Variants in C12orf54 observed in about 807,000 individuals in gnomAD.
C12orf54 encodes chromosome 12 open reading frame 54, also known as uncharacterized protein C12orf54.
A neutral mutation model predicts 26.4 loss-of-function variants in C12orf54; 24 were observed. That is an observed-to-expected ratio of 0.91 (90% CI 0.66 to 1.28). The LOEUF is 1.28. Ranked by LOEUF, C12orf54 falls within the 50% of genes most tolerant of loss-of-function variation. The pLI is 0.00. For synonymous variants in C12orf54, 54 were observed against 47.0 expected, an observed-to-expected ratio of 1.15 and a Z score of -0.61; for missense variants, 154 against 150.9, an observed-to-expected ratio of 1.02 and a Z score of -0.11.
chr12:48,440,134 A>T, the C12orf54 span, among the ~76,000 whole-genome samples: 1 of 152,036 alleles, frequency 6.6e-6, no homozygotes, highest in Non-Finnish European at 1.5e-5. Flanking sequence ...CTGAGGCAGG[A>T]GAATTGTTTG....
At chr12:48,426,961 C>T in the C12orf54 span, among the ~76,000 whole-genome samples, 1 of 151,768 alleles carries the variant, frequency 6.6e-6, no homozygotes, top group Non-Finnish European at 1.5e-5. Context: ...ATGGTTTATC[C>T]ACTGAAGGAG....
chr12:48,448,054 A>C, the C12orf54 span, among the ~76,000 whole-genome samples: 2 of 152,142 alleles, frequency 1.3e-5, no homozygotes, highest in East Asian at 3.9e-4. Context: ...CCCGCAACTG[A>C]AAAAAATCAG....
the C12orf54 span, among the ~76,000 whole-genome samples, chr12:48,417,734 CCTCCCT>C: frequency 1.3e-5 from 2 of 152,064 alleles, no homozygotes; most frequent in African/African-American, 4.8e-5. Context: ...TGTCCCCCTC[CCTCCCT>C]CTCCCTCTAG....
At chr12:48,470,333 T>A in the C12orf54 span, among the ~76,000 whole-genome samples, 1 of 152,224 alleles carries the variant, frequency 6.6e-6, no homozygotes, top group East Asian at 1.9e-4. Flanking sequence ...TGTTGTCTTT[T>A]CTCCGCAGCC....
chr12:48,429,927 G>A, the C12orf54 span, among the ~76,000 whole-genome samples: 337 of 152,034 alleles, frequency 2.2e-3, 4 homozygotes, highest in East Asian at 0.024. Context: ...CTATAGGACC[G>A]TAGTCACCAA....
At chr12:48,438,505 T>C in the C12orf54 span, among the ~76,000 whole-genome samples, 5 of 152,184 alleles carry the variant, frequency 3.3e-5, no homozygotes, top group African/African-American at 1.2e-4. Context: ...CTTCAAACTA[T>C]ACTACAAGGC....
chr12:48,487,569 AGTT>A (rs2137089796), intron 4 of C12orf54, among the ~76,000 whole-genome samples: 2 of 152,364 alleles, frequency 1.3e-5, no homozygotes, highest in East Asian at 3.9e-4. Context: ...CTAAAGAGTA[AGTT>A]GCTTGTGTAA....
the C12orf54 span, chr12:48,472,674 G>A: frequency 2.5e-6 from 4 of 1,614,094 alleles, no homozygotes; most frequent in Non-Finnish European, 3.4e-6. Flanking sequence ...GATGGAGATG[G>A]GCAAATGGAT....
chr12:48,457,173 GGGGGT>G, the C12orf54 span, among the ~76,000 whole-genome samples: 2 of 152,068 alleles, frequency 1.3e-5, no homozygotes, highest in South Asian at 4.1e-4. Flanking sequence ...AGACCAAGCT[GGGGGT>G]GGTATAGAGT....
upstream of C12orf54, among the ~76,000 whole-genome samples, chr12:48,480,090 T>TA (rs1280488426): frequency 2.6e-5 from 4 of 152,154 alleles, no homozygotes; most frequent in Non-Finnish European, 5.9e-5. Flanking sequence ...AAGCTTCATT[T>TA]AAAAAAGTTA....
At chr12:48,429,452 T>TA in the C12orf54 span, among the ~76,000 whole-genome samples, 1 of 151,864 alleles carries the variant, frequency 6.6e-6, no homozygotes, top group Non-Finnish European at 1.5e-5. Flanking sequence ...CTCAAACTGA[T>TA]AAAATAATTC....
chr12:48,486,151 CA>C (rs1954259894), intron 2 of C12orf54, 26 bp from the exon 3 acceptor site: 1 of 1,596,658 alleles, frequency 6.3e-7, no homozygotes, highest in African/African-American at 1.3e-5. Flanking sequence ...TGCTCCTCAT[CA>C]GGTTTATATC....
chr12:48,488,675 C>T (rs1352929609), intron 4 of C12orf54, among the ~76,000 whole-genome samples: 1 of 152,148 alleles, frequency 6.6e-6, no homozygotes, highest in African/African-American at 2.4e-5. Flanking sequence ...ATGCACAGCC[C>T]AGTCTTCTTT....
At chr12:48,476,758 G>C in the C12orf54 span, among the ~76,000 whole-genome samples, 18 of 152,222 alleles carry the variant, frequency 1.2e-4, no homozygotes, top group East Asian at 3.5e-3. Context: ...AGTCCTTAGA[G>C]ACCTACAAAC....
chr12:48,494,718 G>T, intron 7 of C12orf54, 80 bp from the exon 8 acceptor site: 1 of 1,442,322 alleles, frequency 6.9e-7, no homozygotes, highest in Non-Finnish European at 9.6e-7. Context: ...GAATCTCTAA[G>T]GGCAGTGGAG....
chr12:48,444,802 T>C, the C12orf54 span, among the ~76,000 whole-genome samples: 2 of 152,180 alleles, frequency 1.3e-5, no homozygotes, highest in Non-Finnish European at 2.9e-5. Context: ...TGAGAGGAAC[T>C]TTTTTAAGAA....
intron 7 of C12orf54, 75 bp from the exon 8 acceptor site, chr12:48,494,723 G>A (rs1329749397): frequency 1.3e-6 from 2 of 1,487,272 alleles, no homozygotes; most frequent in East Asian, 2.3e-5. Flanking sequence ...TCTAAGGGCA[G>A]TGGAGGCCAG....
the C12orf54 span, among the ~76,000 whole-genome samples, chr12:48,423,891 G>A: frequency 1.5e-4 from 23 of 152,002 alleles, no homozygotes; most frequent in African/African-American, 4.3e-4. Context: ...AGTGGTGAAA[G>A]CAGGCATCCT....
the C12orf54 span, among the ~76,000 whole-genome samples, chr12:48,426,483 G>A: frequency 1.3e-5 from 2 of 152,026 alleles, no homozygotes; most frequent in Non-Finnish European, 1.5e-5. Context: ...ATTGGTTACT[G>A]TAGCCCTGTA....
Sources: gnomAD v4.1 joint callset for allele counts (sites outside exome capture counted in the v4.1 genomes callset) on GRCh38, gnomAD v4.1.1 for gene constraint, MANE v1.5 for transcripts, NCBI Gene and HGNC (gene_info 2026-07-23, HGNC 2026-07-21) for gene names.